Variants in MGAT4C observed in about 807,000 individuals in gnomAD.
The protein encoded by MGAT4C is alpha-1,3-mannosyl-glycoprotein 4-beta-N-acetylglucosaminyltransferase C.
MGAT4C carries 19 observed loss-of-function variants against 40.1 expected under a neutral mutation model. The observed-to-expected ratio is 0.47, with a 90% CI of 0.33 to 0.70. The LOEUF is 0.70. Among genes scored for constraint, MGAT4C ranks in the 30% least tolerant of loss-of-function variants. The probability of loss-of-function intolerance (pLI) is 0.02; values close to 1 mark genes in which losing one functional copy is unlikely to be tolerated. For synonymous variants in MGAT4C, 181 were observed against 187.1 expected, an observed-to-expected ratio of 0.97 and a Z score of 0.27; for missense variants, 491 against 563.2, an observed-to-expected ratio of 0.87 and a Z score of 1.30.
intron 1 of MGAT4C, among the ~76,000 whole-genome samples, chr12:86,744,002 A>G (rs1951113844): frequency 6.6e-6 from 1 of 151,632 alleles, no homozygotes; most frequent in Admixed American, 6.6e-5. Context: ...AAAGAAACCA[A>G]CAAGGCATAT....
intron 1 of MGAT4C, among the ~76,000 whole-genome samples, chr12:86,123,266 C>T (rs757656445): frequency 1.7e-4 from 26 of 152,074 alleles, no homozygotes; most frequent in Admixed American, 6.6e-5. Flanking sequence ...ATTGCAGTGT[C>T]CTGAGAGATT....
intron 3 of MGAT4C, among the ~76,000 whole-genome samples, chr12:85,988,024 T>A (rs1885447442): frequency 6.6e-6 from 1 of 152,220 alleles, no homozygotes; most frequent in South Asian, 2.1e-4. Flanking sequence ...TGTTCTGTTG[T>A]CCTTATTATA....
chr12:86,102,278 TA>T (rs1489407169), intron 1 of MGAT4C, among the ~76,000 whole-genome samples: 1 of 151,964 alleles, frequency 6.6e-6, no homozygotes, highest in Non-Finnish European at 1.5e-5. Flanking sequence ...GAAGATAAAT[TA>T]AAGAGCCAAA....
intron 2 of MGAT4C, among the ~76,000 whole-genome samples, chr12:86,649,656 C>A (rs1016441216): frequency 5.9e-5 from 9 of 151,616 alleles, no homozygotes; most frequent in Non-Finnish European, 1.0e-4. Flanking sequence ...TTATCCCTGG[C>A]CAAGAGCCAG....
intron 1 of MGAT4C, among the ~76,000 whole-genome samples, chr12:86,084,162 C>A (rs1206374220): frequency 1.3e-5 from 2 of 151,862 alleles, no homozygotes; most frequent in Non-Finnish European, 2.9e-5. Context: ...TTTTTGGAGA[C>A]TAATAGGATA....
chr12:86,102,179 A>T (rs1331113383), intron 1 of MGAT4C, among the ~76,000 whole-genome samples: 1 of 152,010 alleles, frequency 6.6e-6, no homozygotes, highest in Non-Finnish European at 1.5e-5. Flanking sequence ...AATAACTAAA[A>T]TATAGGATAT....
chr12:86,468,951 T>A (rs997978695), intron 2 of MGAT4C, among the ~76,000 whole-genome samples: 1 of 152,128 alleles, frequency 6.6e-6, no homozygotes, highest in African/African-American at 2.4e-5. Flanking sequence ...CTAGTCTTTT[T>A]TGCTTATCTT....
intron 1 of MGAT4C, among the ~76,000 whole-genome samples, chr12:86,239,883 G>A (rs1424252028): frequency 2.3e-5 from 3 of 131,826 alleles, no homozygotes; most frequent in Admixed American, 1.5e-4. Flanking sequence ...TGGTGGGGTC[G>A]GGGGAGGGGG....
chr12:86,307,486 G>A (rs1235628921), intron 4 of MGAT4C, among the ~76,000 whole-genome samples: 1 of 150,234 alleles, frequency 6.7e-6, no homozygotes, highest in African/African-American at 2.5e-5. Flanking sequence ...CCATGAGCTG[G>A]AACTAATCAA....
chr12:86,186,527 A>G (rs921325887), intron 1 of MGAT4C, among the ~76,000 whole-genome samples: 1 of 152,186 alleles, frequency 6.6e-6, no homozygotes, highest in Non-Finnish European at 1.5e-5. Context: ...ACCAAGCTGC[A>G]AAACAAATTG....
intron 2 of MGAT4C, among the ~76,000 whole-genome samples, chr12:86,473,550 C>A (rs2136305913): frequency 6.6e-6 from 1 of 152,216 alleles, no homozygotes; most frequent in Admixed American, 6.5e-5. Flanking sequence ...AAAGAGACAC[C>A]ATTTGGAATA....
chr12:86,386,699 G>T (rs1350256289), intron 3 of MGAT4C, among the ~76,000 whole-genome samples: 1 of 152,048 alleles, frequency 6.6e-6, no homozygotes, highest in Non-Finnish European at 1.5e-5. Flanking sequence ...TAATATTTTG[G>T]ACTACTACTT....
At chr12:86,510,367 T>A (rs916691304) in intron 2 of MGAT4C, among the ~76,000 whole-genome samples, 9 of 152,238 alleles carry the variant, frequency 5.9e-5, no homozygotes, top group Middle Eastern at 3.4e-3. Flanking sequence ...GAAAAACCGG[T>A]ACTAGCCACT....
At chr12:86,435,153 T>C (rs949987242) in intron 3 of MGAT4C, 1 of 151,982 alleles carries the variant, frequency 6.6e-6, no homozygotes, top group African/African-American at 2.4e-5. Flanking sequence ...AAAGCTTCTC[T>C]TACCAGAGTG....
chr12:86,190,785 C>T (rs1233660189), intron 1 of MGAT4C, among the ~76,000 whole-genome samples: 1 of 151,918 alleles, frequency 6.6e-6, no homozygotes, highest in Non-Finnish European at 1.5e-5. Context: ...CTAATATCTA[C>T]TTTAAACAAC....
chr12:85,993,108 G>C (rs757366734), intron 2 of MGAT4C, among the ~76,000 whole-genome samples: 6 of 152,182 alleles, frequency 3.9e-5, no homozygotes, highest in Non-Finnish European at 7.3e-5. Context: ...CAAATTAAAG[G>C]GGGTCTTGGC....
chr12:86,504,575 AG>A (rs1203834502), intron 2 of MGAT4C, among the ~76,000 whole-genome samples: 1 of 152,236 alleles, frequency 6.6e-6, no homozygotes, highest in Non-Finnish European at 1.5e-5. Flanking sequence ...CCAATATAAA[AG>A]TCCAGTCAAT....
At chr12:86,207,089 C>T (rs1380825568) in intron 1 of MGAT4C, among the ~76,000 whole-genome samples, 1 of 139,090 alleles carries the variant, frequency 7.2e-6, no homozygotes, top group Non-Finnish European at 1.5e-5. Context: ...TTAAACAGAA[C>T]CTATGTTGGA....
chr12:86,666,446 ACT>A (rs1356504340), intron 2 of MGAT4C, among the ~76,000 whole-genome samples: 1 of 152,166 alleles, frequency 6.6e-6, no homozygotes, highest in Non-Finnish European at 1.5e-5. Flanking sequence ...TGTCCACAAC[ACT>A]CTTTCCTTAA....
Sources: allele counts gnomAD v4.1 joint callset (sites outside exome capture counted in the v4.1 genomes callset), GRCh38; gene constraint gnomAD v4.1.1; transcripts MANE v1.5; gene names NCBI Gene and HGNC (gene_info 2026-07-23, HGNC 2026-07-21).